TASOR2: variants seen among roughly 807,000 people sequenced by gnomAD.
The protein encoded by TASOR2 is protein TASOR 2.
Under a neutral mutation model 199.5 loss-of-function variants are expected in TASOR2, and 84 were observed. The ratio of observed to expected loss-of-function variants is 0.42; its 90% CI spans 0.35 to 0.50. The LOEUF (loss-of-function observed/expected upper bound fraction) is 0.50. Among genes scored for constraint, TASOR2 ranks in the 20% least tolerant of loss-of-function variants. TASOR2 has a pLI of 0.02. For missense variants in TASOR2, 2,796 were observed against 2,835.9 expected, an observed-to-expected ratio of 0.99 and a Z score of 0.32; for synonymous variants, 1,103 against 1,046.6, an observed-to-expected ratio of 1.05 and a Z score of -1.04.
chr10:5,757,823 T>G lies in TASOR2; in HGVS notation c.6886+150T>G, dbSNP rs567520483. On this transcript the variant is annotated intron_variant, in intron 17 of 20. Transcript: ENST00000328090. The stretch of plus-strand genomic sequence containing the variant: ...GCATAATTTCTGCTGTCTGCTGTGC[T>G]CTTTTCATACAGTGATTCTCTTATA... 8.0e-6 allele frequency: 6 copies of G among 754,400 alleles called. No homozygotes were observed. In the East Asian group the frequency reaches 1.6e-4, roughly 20 times the overall value. 46.7% of individuals were successfully genotyped at this position (754,400 alleles called of 1,614,324 possible). A position where few individuals can be genotyped will look rare whatever the true frequency, so the allele number is the denominator to read the frequency against.
chr10:5,748,967 A>T lies in TASOR2; in HGVS notation c.5546A>T (p.Tyr1849Phe), dbSNP rs768025238. The T allele has an allele frequency of 2.5e-6, 4 of 1,613,962 alleles. No individual in the cohort carries two copies. The East Asian group carries it at 8.9e-5, about 36-fold the overall frequency. The change falls in exon 15 of 21, where the codon TAT becomes TTT. Residue 1849 changes from tyrosine to phenylalanine, a missense_variant. Around this residue, in one of 3 missense-constraint regions of TASOR2, gnomAD observed 1,941 missense variants for 1,924.9 expected, o/e 1.01. Transcript: ENST00000328090. The surrounding 1 kb of genome is among the most constrained non-coding windows in gnomAD (Gnocchi z 5.1). ...CCCAGACTGGATTTGGAGGATTCTT[A>T]TACTTTAAGAGGTAGTTACACCAGG... is the stretch of plus-strand genomic sequence containing the variant.
exon 8 of TASOR2, chr10:5,724,492 A>T (rs770664519): frequency 1.1e-5 from 17 of 1,521,398 alleles, no homozygotes; most frequent in Non-Finnish European, 1.4e-5. Flanking sequence ...ACAAGGGGAA[A>T]ATATAGATAA....
chr10:5,733,495 T>C (rs1215343828), intron 11 of TASOR2, among the ~76,000 whole-genome samples: 1 of 151,968 alleles, frequency 6.6e-6, no homozygotes, highest in African/African-American at 2.4e-5. Context: ...CAAGACTGCA[T>C]CTCAAAAAAA....
At chr10:5,723,772 A>C in exon 7 of TASOR2, 1 of 1,601,376 alleles carries the variant, frequency 6.2e-7, no homozygotes, top group South Asian at 1.1e-5. Flanking sequence ...TACTTGGAGG[A>C]GAAAGGTCTG....
At chr10:5,713,316 T>A (rs1314243641) in intron 2 of TASOR2, among the ~76,000 whole-genome samples, 2 of 152,190 alleles carry the variant, frequency 1.3e-5, no homozygotes, top group Non-Finnish European at 2.9e-5. Flanking sequence ...TGTAACTTAA[T>A]AAACTTTGGC....
In TASOR2 at chr10:5,748,176, G is replaced by A. The variant is rs1837487540; in HGVS notation, c.4755G>A (p.Lys1585=). The A allele has an allele frequency of 6.2e-7, 1 of 1,614,100 alleles. No individual in the cohort carries two copies. The highest frequency in any genetic ancestry group is 8.5e-7 in the Non-Finnish European group (1 of 1,180,044). The stretch of plus-strand genomic sequence containing the variant: ...GTCCTAGAAATGTTATTGAAAATAA[G>A]TCTTTGTCTGACACATTGGTTTCCA... Residue 1585 remains lysine (K), a synonymous_variant, in exon 15 of 21, where the codon AAG becomes AAA. Transcript: ENST00000328090. This position sits in a 1 kb window ranked among gnomAD's most constrained non-coding sequence, Gnocchi z 5.1.
rs1435889242 is a variant in TASOR2, at chr10:5,740,695, T to C, written c.2327+198T>C. On this transcript the variant is annotated intron_variant, in intron 13 of 20. Transcript: ENST00000328090. The surrounding 1 kb of genome is among the most constrained non-coding windows in gnomAD (Gnocchi z 5.3). Reference sequence around the variant, plus strand: ...CAGGCTGGTTTTCCCCCTGTGCTCATGTGGAGAAGTTTTTAAAGATAATTT... The same window carrying C: ...CAGGCTGGTTTTCCCCCTGTGCTCACGTGGAGAAGTTTTTAAAGATAATTT... 3.9e-5 allele frequency among the ~76,000 whole-genome samples: 6 copies of C among 152,200 alleles called. No homozygotes were observed. The highest frequency in any genetic ancestry group is 2.1e-4 in the South Asian group (1 of 4,836).
exon 15 of TASOR2, chr10:5,747,295 A>G (rs764633837): frequency 3.7e-6 from 6 of 1,614,050 alleles, no homozygotes; most frequent in East Asian, 2.2e-5. Flanking sequence ...ATCACCACCT[A>G]CAAGTCCCAG....
At chr10:5,711,737 T>A (rs1294400008) in intron 1 of TASOR2, among the ~76,000 whole-genome samples, 1 of 151,968 alleles carries the variant, frequency 6.6e-6, no homozygotes, top group Non-Finnish European at 1.5e-5. Context: ...CTCACATGGG[T>A]ATGGTTTGAA....
At position 5,740,078 on chromosome 10, in the gene TASOR2, G is replaced by C; in HGVS notation, c.1908G>C (p.Glu636Asp). ...CTAAAGCCCAGTCAGCACTTACTGA[G>C]GAAATGCTAGAATCTTCAGATGCAA... The change falls in exon 13 of 21, where the codon GAG (glutamate) becomes GAC (aspartate). Residue 636 changes from glutamate to aspartate, a missense_variant. Around this residue, in one of 3 missense-constraint regions of TASOR2, gnomAD observed 847 missense variants for 887.4 expected, o/e 0.95. Transcript: ENST00000328090. This position sits in a 1 kb window ranked among gnomAD's most constrained non-coding sequence, Gnocchi z 5.3. 6.2e-7 allele frequency: 1 copy of C among 1,614,030 alleles called. No homozygotes were observed. Among genetic ancestry groups the C allele is most frequent in the South Asian group, 1.1e-5 (1 of 91,080 alleles).
rs187495156 is a variant in TASOR2 at position 5,687,308 on chromosome 10, C to T, written c.-288+2133C>T. Among the ~76,000 whole-genome samples, 1 of 152,262 alleles carries T rather than the reference C, an allele frequency of 6.6e-6. No individual in the cohort carries two copies. Among genetic ancestry groups the T allele is most frequent in the Admixed American group, 6.5e-5 (1 of 15,298 alleles). ...CATTATTAATTTTGTGTTAATTATT[C>T]CCTTGCCTTTTTAAACAGTTTTATC... On this transcript the variant is annotated intron_variant, in intron 1 of 20. Coordinates refer to ENST00000328090, the Ensembl canonical transcript of TASOR2. This position sits in a 1 kb window ranked among gnomAD's most constrained non-coding sequence, Gnocchi z 4.8.
chr10:5,712,751 G>A, intron 1 of TASOR2, 72 bp from the exon 2 acceptor site: 1 of 825,456 alleles, frequency 1.2e-6, no homozygotes, highest in Non-Finnish European at 1.6e-6. Context: ...TTCAAATGAT[G>A]CATTTTTAAA....
In TASOR2 at chr10:5,752,205, A is replaced by G. The variant is rs2669139; in HGVS notation, c.6606+2178A>G. Among the ~76,000 whole-genome samples, 19,110 of 152,186 alleles carry G rather than the reference A, an allele frequency of 0.13. 2,657 individuals carry two copies. Among genetic ancestry groups the G allele is most frequent in the East Asian group, 0.44 (2,253 of 5,156 alleles). On this transcript the variant is annotated intron_variant, in intron 15 of 20. Coordinates refer to ENST00000328090, the Ensembl canonical transcript of TASOR2. This position sits in a 1 kb window ranked among gnomAD's most constrained non-coding sequence, Gnocchi z 4.4. The stretch of plus-strand genomic sequence containing the variant: ...GTGGGGGGGATGTTGCTTTTTTGTC[A>G]TGATTCTTATAGTCTAATGGGACAA...
At chr10:5,691,395 TAAGC>T (rs1268620852) in intron 1 of TASOR2, among the ~76,000 whole-genome samples, 1 of 151,938 alleles carries the variant, frequency 6.6e-6, no homozygotes, top group Non-Finnish European at 1.5e-5. Flanking sequence ...AATCCAAAAA[TAAGC>T]AAGCCACAGC....
At chr10:5,684,857 G>C in exon 1 of TASOR2, 1 of 394,932 alleles carries the variant, frequency 2.5e-6, no homozygotes, top group East Asian at 3.6e-5. Context: ...TGCTAGCGCC[G>C]GTCAGAGAGA....
intron 1 of TASOR2, among the ~76,000 whole-genome samples, chr10:5,694,578 A>G (rs1337548783): frequency 6.6e-6 from 1 of 152,210 alleles, no homozygotes; most frequent in African/African-American, 2.4e-5. Flanking sequence ...TATATTACAC[A>G]TATACTTCTT....
chr10:5,712,974 T>A, intron 2 of TASOR2, 56 bp downstream of exon 2: 1 of 851,566 alleles, frequency 1.2e-6, no homozygotes, highest in East Asian at 3.4e-5. Context: ...AGTATTGTGG[T>A]ACTTCAGTTC....
intron 1 of TASOR2, among the ~76,000 whole-genome samples, chr10:5,709,127 A>C (rs1386861784): frequency 6.6e-6 from 1 of 152,198 alleles, no homozygotes; most frequent in Non-Finnish European, 1.5e-5. Context: ...AGTTTTGTTT[A>C]ATGAATATAT....
intron 1 of TASOR2, chr10:5,709,723 A>C: frequency 8.3e-7 from 1 of 1,201,844 alleles, no homozygotes; most frequent in Non-Finnish European, 1.0e-6. Flanking sequence ...GAATGATTAA[A>C]ATGTTTTTAG....
Sources: allele counts gnomAD v4.1 joint callset (sites outside exome capture counted in the v4.1 genomes callset), GRCh38; gene constraint gnomAD v4.1.1; regional missense constraint gnomAD v4.1.1; non-coding constraint Gnocchi (gnomAD v3.1); transcripts MANE v1.5; gene names NCBI Gene and HGNC (gene_info 2026-07-23, HGNC 2026-07-21).